Variants in RRAGC observed in about 807,000 individuals in gnomAD.
RRAGC encodes the protein Ras related GTP binding C, also known as ras-related GTP-binding protein C.
Under a neutral mutation model 37.1 loss-of-function variants are expected in RRAGC, and 8 were observed. The ratio of observed to expected loss-of-function variants is 0.22; its 90% CI spans 0.13 to 0.39. RRAGC has a LOEUF of 0.39. Ranked by LOEUF, RRAGC falls within the 10% of genes least tolerant of loss-of-function variation. The pLI is 1.00. For synonymous variants in RRAGC, 190 were observed against 181.1 expected (o/e 1.05, Z -0.39); for missense variants, 342 against 497.6 (o/e 0.69, Z 2.98).
intron 5 of RRAGC, among the ~76,000 whole-genome samples, chr1:38,849,730 T>C (rs1259667257): frequency 6.6e-6 from 1 of 152,162 alleles, no homozygotes; most frequent in African/African-American, 2.4e-5. Context: ...TATCTAACAT[T>C]GAAAATAAAT....
chr1:38,846,233 G>A, intron 5 of RRAGC, 146 bp from the exon 6 acceptor site: 1 of 648,210 alleles, frequency 1.5e-6, no homozygotes, highest in Non-Finnish European at 2.6e-6. Context: ...GTGTTGTTAA[G>A]GTATAGTGTT....
chr1:38,856,858 A>G (rs1464968778), intron 2 of RRAGC, 21 bp downstream of exon 2: 2 of 1,605,454 alleles, frequency 1.2e-6, no homozygotes, highest in Admixed American at 3.3e-5. Flanking sequence ...AGGAAAGAGG[A>G]GTAAACACAT....
intron 6 of RRAGC, among the ~76,000 whole-genome samples, chr1:38,844,602 C>G (rs1200801392): frequency 1.3e-5 from 2 of 152,118 alleles, no homozygotes; most frequent in Non-Finnish European, 2.9e-5. Context: ...ATTGAAAAGC[C>G]TGCAGAGTAA....
chr1:38,843,098 A>G (rs1641983553), intron 6 of RRAGC, among the ~76,000 whole-genome samples: 3 of 152,136 alleles, frequency 2.0e-5, no homozygotes, highest in Admixed American at 2.0e-4. Context: ...GGAAGGCTGA[A>G]GGAAGAGGAC....
chr1:38,854,027 G>A (rs1642134954), intron 3 of RRAGC, among the ~76,000 whole-genome samples: 2 of 151,966 alleles, frequency 1.3e-5, no homozygotes, highest in South Asian at 2.1e-4. Context: ...AAATGAAAAG[G>A]AGCTTCATCC....
chr1:38,852,287 A>G (rs1642110183), intron 4 of RRAGC, 87 bp downstream of exon 4: 2 of 792,752 alleles, frequency 2.5e-6, no homozygotes, highest in Non-Finnish European at 4.4e-6. Context: ...TTAATTCAAG[A>G]CTTTTTTGGA....
intron 6 of RRAGC, among the ~76,000 whole-genome samples, chr1:38,844,449 A>G (rs79018281): frequency 3.3e-5 from 4 of 121,766 alleles, no homozygotes; most frequent in Admixed American, 8.5e-5. Context: ...AGGACTGAGG[A>G]AAAAAAAAAA....
At chr1:38,850,939 G>C (rs2124225960) in intron 5 of RRAGC, among the ~76,000 whole-genome samples, 1 of 152,160 alleles carries the variant, frequency 6.6e-6, no homozygotes, top group Non-Finnish European at 1.5e-5. Context: ...CAAACATCTG[G>C]GATTATGGGC....
intron 3 of RRAGC, among the ~76,000 whole-genome samples, chr1:38,852,933 C>T (rs1642117776): frequency 6.6e-6 from 1 of 152,152 alleles, no homozygotes; most frequent in African/African-American, 2.4e-5. Flanking sequence ...TAAAATAGCA[C>T]TCGTGTACCC....
At chr1:38,858,645 C>T (rs1051444543) in intron 1 of RRAGC, among the ~76,000 whole-genome samples, 3 of 152,168 alleles carry the variant, frequency 2.0e-5, no homozygotes, top group Non-Finnish European at 4.4e-5. Flanking sequence ...TTGCAGTGAG[C>T]CGAGATTGCA....
At chr1:38,855,283 T>C (rs1642155053) in intron 3 of RRAGC, among the ~76,000 whole-genome samples, 1 of 152,202 alleles carries the variant, frequency 6.6e-6, no homozygotes, top group Non-Finnish European at 1.5e-5. Context: ...GTGCACTCTC[T>C]GTATAAGGCT....
intron 6 of RRAGC, among the ~76,000 whole-genome samples, chr1:38,845,085 G>A (rs2124218365): frequency 6.6e-6 from 1 of 152,294 alleles, no homozygotes; most frequent in Non-Finnish European, 1.5e-5. Flanking sequence ...CAAAGATCTA[G>A]AACCAGAAAT....
At chr1:38,846,192 A>G in intron 5 of RRAGC, 105 bp from the exon 6 acceptor site, 1 of 887,252 alleles carries the variant, frequency 1.1e-6, no homozygotes, top group Non-Finnish European at 1.8e-6. Flanking sequence ...GTCTCTGGGA[A>G]AGAATACTGG....
At chr1:38,851,528 G>A (rs1642100961) in intron 5 of RRAGC, 87 bp downstream of exon 5, 1 of 1,215,412 alleles carries the variant, frequency 8.2e-7, no homozygotes, top group Non-Finnish European at 1.1e-6. Flanking sequence ...CCACTTGCCA[G>A]GGGCCTCAGA....
intron 6 of RRAGC, among the ~76,000 whole-genome samples, chr1:38,842,942 C>T (rs1238739694): frequency 6.6e-6 from 1 of 152,114 alleles, no homozygotes; most frequent in Non-Finnish European, 1.5e-5. Context: ...TTATACAATA[C>T]TCTATTGTTT....
intron 6 of RRAGC, among the ~76,000 whole-genome samples, chr1:38,840,147 C>CAAA (rs397939319): frequency 1.1e-4 from 5 of 45,076 alleles, no homozygotes; most frequent in Non-Finnish European, 1.9e-4. Flanking sequence ...GACTCCAACT[C>CAAA]AAAAAAAAAA....
chr1:38,839,488 G>A lies in RRAGC; in HGVS notation c.*65C>T. On this transcript the variant is annotated 3_prime_UTR_variant, in exon 7 of 7. Transcript: ENST00000373001. ...CAAGCAGCAGCTCCCATGTCCTGTA[G>A]CACGTGGCATCCGACCCTGGAGTGA... 1 of 1,575,502 alleles carries A rather than the reference G, an allele frequency of 6.3e-7. No individual in the cohort carries two copies. The highest frequency in any genetic ancestry group is 1.3e-5 in the African/African-American group (1 of 74,176).
Position 38,839,562 on chromosome 1 carries a change from G to T in RRAGC, c.1191C>A (p.Asn397Lys). ...GACGCTGGGATTCAGACTAGATGGC[G>T]TTTCGTGGCGTGCCATTGTGTGTCA... ...KALTHNGTPR[N>K]AI Residue 397 changes from asparagine to lysine, a missense_variant, in exon 7 of 7, where the codon AAC becomes AAA. Physicochemically the swap from Asn to Lys is moderately conservative, Grantham distance 94. Transcript: ENST00000373001. 1.2e-6 allele frequency: 2 copies of T among 1,614,048 alleles called. No individual in the cohort carries two copies.
chr1:38,839,500 C>T lies in RRAGC; in HGVS notation c.*53G>A, dbSNP rs370932639. 5.6e-5 allele frequency: 90 copies of T among 1,598,964 alleles called. No individual in the cohort carries two copies. In the East Asian group the frequency reaches 1.0e-3, roughly 18 times the overall value. On this transcript the variant is annotated 3_prime_UTR_variant, in exon 7 of 7. Coordinates refer to ENST00000373001, the MANE Select transcript of RRAGC (RefSeq NM_022157.4). ...CCCATGTCCTGTAGCACGTGGCATC[C>T]GACCCTGGAGTGAAGAGTAAGCTGG...
Sources: allele counts gnomAD v4.1 joint callset (sites outside exome capture counted in the v4.1 genomes callset), GRCh38; gene constraint gnomAD v4.1.1; transcripts MANE v1.5; gene names NCBI Gene and HGNC (gene_info 2026-07-23, HGNC 2026-07-21).